AGBL4: variants seen among roughly 807,000 people sequenced by gnomAD.
The protein encoded by AGBL4 is cytosolic carboxypeptidase 6.
Under a neutral mutation model 66.4 loss-of-function variants are expected in AGBL4, and 58 were observed. That is an observed-to-expected ratio of 0.87 (90% CI 0.71 to 1.09). The LOEUF (loss-of-function observed/expected upper bound fraction) is 1.09, where lower values mean the gene tolerates loss of function less well. AGBL4 is among the 50% of genes least tolerant of loss of function. The pLI is 0.00. For synonymous variants in AGBL4, 234 were observed against 222.9 expected, an observed-to-expected ratio of 1.05 and a Z score of -0.44; for missense variants, 579 against 631.0, an observed-to-expected ratio of 0.92 and a Z score of 0.88.
intron 6 of AGBL4, among the ~76,000 whole-genome samples, chr1:48,762,964 C>T (rs151272654): frequency 6.6e-6 from 1 of 152,060 alleles, no homozygotes; most frequent in African/African-American, 2.4e-5. Flanking sequence ...AGGATGAGAG[C>T]AATAATTCAC....
chr1:48,977,619 G>C (rs994622514), intron 5 of AGBL4, among the ~76,000 whole-genome samples: 3 of 152,048 alleles, frequency 2.0e-5, no homozygotes, highest in African/African-American at 7.2e-5. Flanking sequence ...TATTTCCTAA[G>C]GGAACACAAT....
At chr1:48,908,927 C>CT (rs11367648) in intron 5 of AGBL4, among the ~76,000 whole-genome samples, 4 of 147,106 alleles carry the variant, frequency 2.7e-5, no homozygotes, top group African/African-American at 9.9e-5. Flanking sequence ...TCAACCTTGC[C>CT]TTTTTTTTTT....
intron 5 of AGBL4, among the ~76,000 whole-genome samples, chr1:48,984,455 T>C (rs1182232446): frequency 6.7e-6 from 1 of 150,054 alleles, no homozygotes; most frequent in African/African-American, 2.4e-5. Context: ...TTATCTTTCT[T>C]TAAAAAAAAA....
intron 3 of AGBL4, among the ~76,000 whole-genome samples, chr1:49,479,094 C>T (rs976232574): frequency 1.3e-5 from 2 of 151,794 alleles, no homozygotes; most frequent in Non-Finnish European, 2.9e-5. Context: ...CTCAAAACAA[C>T]CAGAAAAGAA....
chr1:48,611,899 T>G (rs1645244891), intron 9 of AGBL4, among the ~76,000 whole-genome samples: 1 of 152,218 alleles, frequency 6.6e-6, no homozygotes, highest in Non-Finnish European at 1.5e-5. Context: ...AAACTCAAGA[T>G]AAAAATCAAT....
At chr1:49,771,377 A>G (rs1644053747) in intron 2 of AGBL4, among the ~76,000 whole-genome samples, 1 of 151,944 alleles carries the variant, frequency 6.6e-6, no homozygotes, top group South Asian at 2.1e-4. Context: ...TATGGCATCT[A>G]TTTTCTTAAA....
intron 1 of AGBL4, among the ~76,000 whole-genome samples, chr1:49,878,989 CT>C (rs1647121636): frequency 1.0e-5 from 1 of 100,432 alleles, no homozygotes; most frequent in East Asian, 2.6e-4. Flanking sequence ...CAACCCCTGC[CT>C]TTTTTTGTTT....
chr1:49,107,402 A>T (rs1350584808), intron 4 of AGBL4, among the ~76,000 whole-genome samples: 1 of 152,118 alleles, frequency 6.6e-6, no homozygotes, highest in Non-Finnish European at 1.5e-5. Flanking sequence ...GTTTATGGGG[A>T]TGTAACATCA....
intron 3 of AGBL4, among the ~76,000 whole-genome samples, chr1:49,280,441 G>GT (rs1644252093): frequency 6.6e-6 from 1 of 152,200 alleles, no homozygotes; most frequent in South Asian, 2.1e-4. Context: ...AGGGCAGTGA[G>GT]TGAATGTCAG....
chr1:49,331,270 G>A (rs1315965895), intron 3 of AGBL4, among the ~76,000 whole-genome samples: 1 of 152,086 alleles, frequency 6.6e-6, no homozygotes, highest in Non-Finnish European at 1.5e-5. Flanking sequence ...TGAATCCAGC[G>A]GGTCGGGTCG....
intron 11 of AGBL4, among the ~76,000 whole-genome samples, chr1:48,580,176 C>T (rs2148330462): frequency 6.6e-6 from 1 of 152,294 alleles, no homozygotes; most frequent in African/African-American, 2.4e-5. Flanking sequence ...ATCAGATCAC[C>T]AGAGGCTTAG....
chr1:49,289,161 A>G (rs1644487493), intron 3 of AGBL4, among the ~76,000 whole-genome samples: 1 of 152,176 alleles, frequency 6.6e-6, no homozygotes, highest in African/African-American at 2.4e-5. Flanking sequence ...AGAAAAATTT[A>G]CTAGACAACT....
intron 6 of AGBL4, chr1:48,776,944 C>CGGCTCCCCAGGACCCA: frequency 2.0e-6 from 1 of 500,210 alleles, no homozygotes; most frequent in Non-Finnish European, 3.3e-6. Flanking sequence ...GGGGCGGGGG[C>CGGCTCCCCAGGACCCA]GGCTCCCCAG....
At chr1:49,059,780 T>C (rs1212472006) in intron 4 of AGBL4, among the ~76,000 whole-genome samples, 3 of 152,142 alleles carry the variant, frequency 2.0e-5, no homozygotes, top group African/African-American at 7.2e-5. Context: ...AGGAGATCAT[T>C]TTGGAACTTT....
intron 6 of AGBL4, among the ~76,000 whole-genome samples, chr1:48,834,404 G>A (rs1243495260): frequency 6.6e-6 from 1 of 152,100 alleles, no homozygotes; most frequent in African/African-American, 2.4e-5. Context: ...GAATATTGTG[G>A]TCTGAATGTT....
At chr1:49,551,900 G>A (rs999353844) in intron 3 of AGBL4, among the ~76,000 whole-genome samples, 2 of 152,146 alleles carry the variant, frequency 1.3e-5, no homozygotes, top group Non-Finnish European at 1.5e-5. Flanking sequence ...GGTGGGGCAG[G>A]AAAGGACCAT....
chr1:49,053,419 A>G (rs1348619129), intron 4 of AGBL4, among the ~76,000 whole-genome samples: 1 of 152,134 alleles, frequency 6.6e-6, no homozygotes, highest in African/African-American at 2.4e-5. Flanking sequence ...GTGGTGTGAG[A>G]AGTATTCAAA....
intron 3 of AGBL4, among the ~76,000 whole-genome samples, chr1:49,572,392 TGTG>T (rs1353481192): frequency 1.6e-4 from 24 of 152,326 alleles, no homozygotes; most frequent in African/African-American, 5.1e-4. Context: ...TTTGAATGCT[TGTG>T]GTGTCAGTTA....
At chr1:49,484,491 G>A (rs1466668936) in intron 3 of AGBL4, among the ~76,000 whole-genome samples, 1 of 152,010 alleles carries the variant, frequency 6.6e-6, no homozygotes, top group Admixed American at 6.6e-5. Context: ...AGTGAAATTA[G>A]CCAGCCACAG....
Sources: gnomAD v4.1 joint callset for allele counts (sites outside exome capture counted in the v4.1 genomes callset) on GRCh38, gnomAD v4.1.1 for gene constraint, MANE v1.5 for transcripts, NCBI Gene and HGNC (gene_info 2026-07-23, HGNC 2026-07-21) for gene names.